The following GABPB1 variants were observed in gnomAD, a reference collection of about 807,000 sequenced individuals.
GABPB1 encodes GA-binding protein subunit beta-1.
GABPB1 carries 15 observed loss-of-function variants against 45.9 expected under a neutral mutation model. The ratio of observed to expected loss-of-function variants is 0.33; its 90% CI spans 0.22 to 0.50. The LOEUF (loss-of-function observed/expected upper bound fraction) is 0.50, where lower values mean the gene tolerates loss of function less well. Ranked by LOEUF, GABPB1 falls within the 20% of genes least tolerant of loss-of-function variation. The probability of loss-of-function intolerance (pLI) is 0.98; values close to 1 mark genes in which losing one functional copy is unlikely to be tolerated. For missense variants in GABPB1, 252 were observed against 457.5 expected (o/e 0.55, Z 4.10); for synonymous variants, 143 against 154.4 (o/e 0.93, Z 0.55).
chr15:50,301,785 AC>A (rs2046759437), intron 4 of GABPB1, among the ~76,000 whole-genome samples: 1 of 152,116 alleles, frequency 6.6e-6, no homozygotes. Context: ...CAAAAACAAA[AC>A]AAACAAAAAA....
chr15:50,318,900 T>C (rs1271297160), intron 1 of GABPB1, among the ~76,000 whole-genome samples: 1 of 152,212 alleles, frequency 6.6e-6, no homozygotes, highest in Non-Finnish European at 1.5e-5. Context: ...CACAGAGATA[T>C]GCACACGCAT....
Position 50,303,109 on chromosome 15 carries a change from G to T in GABPB1, c.291C>A (p.Val97=). 6.2e-7 allele frequency: 1 copy of T among 1,609,782 alleles called. No homozygotes were observed. The highest frequency in any genetic ancestry group is 8.5e-7 in the Non-Finnish European group (1 of 1,178,756). The change falls in exon 4 of 9, where the codon GTC becomes GTA. Residue 97 remains valine (V), a synonymous_variant. Coordinates refer to ENST00000380877, the MANE Select transcript of GABPB1 (RefSeq NM_016654.5). ...TCATCTTTAACATGTCCTTTGCATT[G>T]ACATCAGCACCATGCTACAAAAATA... is the stretch of plus-strand genomic sequence containing the variant. ...VEVLLKHGAD[V]NAKDMLKMTA...
chr15:50,286,654 T>A (rs1296398980), intron 7 of GABPB1, among the ~76,000 whole-genome samples: 7 of 152,200 alleles, frequency 4.6e-5, no homozygotes, highest in Non-Finnish European at 1.0e-4. Flanking sequence ...CAAATACTTA[T>A]AATATCTTAC....
chr15:50,311,769 G>C (rs556344026), intron 1 of GABPB1, among the ~76,000 whole-genome samples: 179 of 152,236 alleles, frequency 1.2e-3, no homozygotes, highest in African/African-American at 4.2e-3. Context: ...AGTTATTTCT[G>C]CCAGAAAGAA....
At chr15:50,324,993 G>A (rs1285566678) in intron 1 of GABPB1, among the ~76,000 whole-genome samples, 2 of 152,134 alleles carry the variant, frequency 1.3e-5, no homozygotes, top group African/African-American at 4.8e-5. Flanking sequence ...ACTTTTTAGA[G>A]GGCTGGCCCC....
intron 1 of GABPB1, chr15:50,354,609 C>T: frequency 2.2e-6 from 1 of 444,844 alleles, no homozygotes; most frequent in South Asian, 1.6e-5. Flanking sequence ...GCCCGCAGAA[C>T]CTCCGCTGCC....
chr15:50,326,445 G>T (rs1275096244), intron 1 of GABPB1, among the ~76,000 whole-genome samples: 1 of 149,998 alleles, frequency 6.7e-6, no homozygotes, highest in Admixed American at 6.7e-5. Context: ...ATCACCTGAG[G>T]TCAGGAGTTT....
intron 8 of GABPB1, among the ~76,000 whole-genome samples, chr15:50,282,979 T>C (rs1228748987): frequency 1.3e-5 from 2 of 152,032 alleles, no homozygotes; most frequent in Non-Finnish European, 2.9e-5. Context: ...CACTTGAACC[T>C]AGGAGGCGGA....
At chr15:50,303,773 T>A (rs1035435017) in intron 3 of GABPB1, among the ~76,000 whole-genome samples, 193 bp downstream of exon 3, 3 of 151,686 alleles carry the variant, frequency 2.0e-5, no homozygotes, top group Admixed American at 6.6e-5. Flanking sequence ...TAACTAAGAA[T>A]ATACCTAAAT....
chr15:50,292,015 T>A (rs1236335484), intron 6 of GABPB1, among the ~76,000 whole-genome samples: 1 of 151,676 alleles, frequency 6.6e-6, no homozygotes, highest in African/African-American at 2.4e-5. Context: ...GACATCTAGT[T>A]AACATTTAAA....
At chr15:50,315,266 C>T (rs2047277172) in intron 1 of GABPB1, among the ~76,000 whole-genome samples, 1 of 152,062 alleles carries the variant, frequency 6.6e-6, no homozygotes, top group Non-Finnish European at 1.5e-5. Context: ...CGAGTAGCTG[C>T]AACTACAAGA....
At chr15:50,309,829 A>C in intron 1 of GABPB1, 31 bp from the exon 2 acceptor site, 2 of 1,290,302 alleles carry the variant, frequency 1.6e-6, no homozygotes, top group Non-Finnish European at 2.3e-6. Context: ...CTGAACATCA[A>C]AATCTCCATT....
chr15:50,291,840 C>G (rs1177517105), intron 6 of GABPB1, among the ~76,000 whole-genome samples: 1 of 150,576 alleles, frequency 6.6e-6, no homozygotes, highest in Non-Finnish European at 1.5e-5. Flanking sequence ...ATCCCTTGAG[C>G]CTGGGAGGTT....
chr15:50,306,368 G>A (rs1208280413), intron 2 of GABPB1, among the ~76,000 whole-genome samples: 3 of 152,238 alleles, frequency 2.0e-5, no homozygotes, highest in South Asian at 2.1e-4. Flanking sequence ...AGTGGCTCAC[G>A]CCTGTAATCC....
At chr15:50,349,158 C>T (rs1329651985) in intron 1 of GABPB1, 1 of 152,086 alleles carries the variant, frequency 6.6e-6, no homozygotes, top group Admixed American at 6.6e-5. Context: ...CAGTCTTTAT[C>T]CTATTTAGTG....
chr15:50,295,110 C>T (rs1379622968), intron 6 of GABPB1, among the ~76,000 whole-genome samples: 1 of 152,212 alleles, frequency 6.6e-6, no homozygotes, highest in Non-Finnish European at 1.5e-5. Flanking sequence ...CCAATCACAG[C>T]TTCTAATTCT....
At position 50,275,997 on chromosome 15, in the gene GABPB1, G is replaced by C. The variant is rs915268623; in HGVS notation, c.*2635C>G. 1 of 152,170 alleles carries C rather than the reference G, an allele frequency of 6.6e-6. No individual in the cohort carries two copies. The highest frequency in any genetic ancestry group is 1.5e-5 in the Non-Finnish European group (1 of 68,032). 9.4% of individuals were successfully genotyped at this position (152,170 alleles called of 1,614,324 possible). A position where few individuals can be genotyped will look rare whatever the true frequency, so the allele number is the denominator to read the frequency against. ...GCCTAACGAACTCAGTGTCTGGATAGTACGTAACAAGAACGATTCTAGGTG... is the reference window on the plus strand; with the variant it reads ...GCCTAACGAACTCAGTGTCTGGATACTACGTAACAAGAACGATTCTAGGTG... On this transcript the variant is annotated 3_prime_UTR_variant, in exon 9 of 9. Coordinates refer to ENST00000380877, the MANE Select transcript of GABPB1 (RefSeq NM_016654.5).
intron 1 of GABPB1, among the ~76,000 whole-genome samples, chr15:50,312,275 A>C (rs752568060): frequency 2.6e-5 from 4 of 152,314 alleles, no homozygotes; most frequent in Middle Eastern, 6.8e-3. Flanking sequence ...TAGGAAAAAC[A>C]ACCACATGTA....
chr15:50,302,670 G>T (rs1384179234), intron 4 of GABPB1, among the ~76,000 whole-genome samples: 1 of 96,752 alleles, frequency 1.0e-5, no homozygotes, highest in Non-Finnish European at 2.3e-5. Flanking sequence ...AAAAAAAAAA[G>T]GTCTAAAGGG....
Sources: gnomAD v4.1 joint callset for allele counts (sites outside exome capture counted in the v4.1 genomes callset) on GRCh38, gnomAD v4.1.1 for gene constraint, MANE v1.5 for transcripts, NCBI Gene and HGNC (gene_info 2026-07-23, HGNC 2026-07-21) for gene names.